The following OR2L13 variants were observed in gnomAD, a reference collection of about 807,000 sequenced individuals.
OR2L13 encodes the protein olfactory receptor 2L13.
A neutral mutation model predicts 15.3 loss-of-function variants in OR2L13; 14 were observed. That is an observed-to-expected ratio of 0.91 (90% CI 0.60 to 1.43). The LOEUF (loss-of-function observed/expected upper bound fraction) is 1.43. Among genes scored for constraint, OR2L13 ranks in the 40% most tolerant of loss-of-function variants. OR2L13 has a pLI of 0.00. For missense variants in OR2L13, 367 were observed against 387.9 expected (o/e 0.95, Z 0.45); for synonymous variants, 152 against 142.9 (o/e 1.06, Z -0.45).
chr1:248,065,343 A>C, the OR2L13 span, among the ~76,000 whole-genome samples: 1 of 152,172 alleles, frequency 6.6e-6, no homozygotes, highest in African/African-American at 2.4e-5. Context: ...CTTAAGTATT[A>C]AATTAGCAAA....
the OR2L13 span, chr1:247,965,338 A>T: frequency 6.4e-7 from 1 of 1,558,232 alleles, no homozygotes; most frequent in Non-Finnish European, 8.7e-7. Flanking sequence ...TTACATGAAC[A>T]TTTCAGATGT....
chr1:248,089,179 A>G, the OR2L13 span, among the ~76,000 whole-genome samples: 11 of 152,156 alleles, frequency 7.2e-5, no homozygotes, highest in Non-Finnish European at 1.6e-4. Context: ...GGAAATGAGG[A>G]AAATGCTACC....
chr1:248,022,055 G>T, the OR2L13 span: 49 of 1,613,636 alleles, frequency 3.0e-5, no homozygotes, highest in African/African-American at 4.0e-5. Context: ...TTTTCCTAAT[G>T]GCTCTAATTG....
At chr1:247,980,515 G>A in the OR2L13 span, among the ~76,000 whole-genome samples, 1 of 152,140 alleles carries the variant, frequency 6.6e-6, no homozygotes, top group African/African-American at 2.4e-5. Flanking sequence ...AGACACAAAT[G>A]CATTAGTAAA....
the OR2L13 span, among the ~76,000 whole-genome samples, chr1:247,973,239 A>C: frequency 6.6e-6 from 1 of 152,178 alleles, no homozygotes; most frequent in Non-Finnish European, 1.5e-5. Flanking sequence ...GCCCTCTCTC[A>C]CCACTCCTGG....
the OR2L13 span, among the ~76,000 whole-genome samples, chr1:248,072,154 G>A: frequency 6.6e-6 from 1 of 151,860 alleles, no homozygotes; most frequent in South Asian, 2.1e-4. Context: ...AACCAGAAAA[G>A]AGCCCACATT....
the OR2L13 span, among the ~76,000 whole-genome samples, chr1:247,952,176 T>C: frequency 6.6e-6 from 1 of 152,092 alleles, no homozygotes; most frequent in Non-Finnish European, 1.5e-5. Flanking sequence ...CAGAAGAGCA[T>C]GAAACCATGC....
the OR2L13 span, among the ~76,000 whole-genome samples, chr1:248,085,219 A>G: frequency 2.0e-5 from 3 of 151,674 alleles, no homozygotes; most frequent in Admixed American, 6.6e-5. Context: ...TGCCTCCATT[A>G]TAACTTTAAA....
the OR2L13 span, among the ~76,000 whole-genome samples, chr1:248,010,763 G>GTTTTTTTTTTTTTTT: frequency 1.2e-3 from 55 of 44,484 alleles, 6 homozygotes; most frequent in South Asian, 3.3e-3. Flanking sequence ...CTTTGTTGTT[G>GTTTTTTTTTTTTTTT]TTTTTTTTTT....
the OR2L13 span, chr1:247,965,580 C>G: frequency 6.3e-7 from 1 of 1,596,938 alleles, no homozygotes; most frequent in African/African-American, 1.3e-5. Flanking sequence ...AGCTCTCCAT[C>G]GTTGACCTCA....
chr1:248,049,868 T>C, the OR2L13 span, among the ~76,000 whole-genome samples: 6 of 152,210 alleles, frequency 3.9e-5, no homozygotes, highest in Non-Finnish European at 5.9e-5. Flanking sequence ...TGTACGTTTA[T>C]TTATCTAGAT....
upstream of OR2L13, among the ~76,000 whole-genome samples, chr1:248,093,712 T>C (rs538433918): frequency 6.6e-6 from 1 of 152,276 alleles, no homozygotes; most frequent in African/African-American, 2.4e-5. Context: ...GTTCCATCCA[T>C]GTTGTTGCAA....
At chr1:248,016,736 T>C in the OR2L13 span, among the ~76,000 whole-genome samples, 2 of 151,894 alleles carry the variant, frequency 1.3e-5, no homozygotes, top group African/African-American at 4.8e-5. Flanking sequence ...GTAACATATA[T>C]ATTTATTTAT....
the OR2L13 span, among the ~76,000 whole-genome samples, chr1:248,037,332 A>T: frequency 6.6e-6 from 1 of 152,192 alleles, no homozygotes; most frequent in East Asian, 1.9e-4. Context: ...GTCTTAAAGA[A>T]TAAATTTAGT....
the OR2L13 span, chr1:247,948,774 A>T: frequency 1.8e-6 from 2 of 1,131,014 alleles, no homozygotes; most frequent in South Asian, 3.0e-5. Context: ...GGGGGCTTGG[A>T]ATGCATCCCC....
chr1:247,943,331 A>T, the OR2L13 span, among the ~76,000 whole-genome samples: 1 of 152,120 alleles, frequency 6.6e-6, no homozygotes, highest in African/African-American at 2.4e-5. Flanking sequence ...TACTATGTTC[A>T]TTATTTTAGT....
At chr1:247,974,428 A>AT in the OR2L13 span, among the ~76,000 whole-genome samples, 24 of 149,596 alleles carry the variant, frequency 1.6e-4, no homozygotes, top group African/African-American at 6.2e-4. Context: ...CTTAAAGTAT[A>AT]TTAAAAAAAA....
the OR2L13 span, among the ~76,000 whole-genome samples, chr1:247,981,198 G>T: frequency 2.4e-3 from 363 of 152,252 alleles, 3 homozygotes; most frequent in Middle Eastern, 6.8e-3. Flanking sequence ...AATTACATTA[G>T]AATATGCTTT....
chr1:247,962,548 T>G, the OR2L13 span, among the ~76,000 whole-genome samples: 1 of 152,256 alleles, frequency 6.6e-6, no homozygotes, highest in Non-Finnish European at 1.5e-5. Context: ...TTATCCCTAT[T>G]TGCCCTATAA....
Sources: gnomAD v4.1 joint callset for allele counts (sites outside exome capture counted in the v4.1 genomes callset) on GRCh38, gnomAD v4.1.1 for gene constraint, MANE v1.5 for transcripts, NCBI Gene and HGNC (gene_info 2026-07-23, HGNC 2026-07-21) for gene names.